Variants in NEGR1 observed in about 807,000 individuals in gnomAD.
NEGR1 encodes the protein neuronal growth regulator 1.
In NEGR1, 10 loss-of-function variants were observed where a neutral mutation model predicts 40.9. The ratio of observed to expected loss-of-function variants is 0.24; its 90% CI spans 0.15 to 0.42. The LOEUF is 0.42. NEGR1 is among the 10% of genes least tolerant of loss of function. The pLI, the probability that NEGR1 is intolerant of heterozygous loss-of-function variation, is 1.00. For synonymous variants in NEGR1, 185 were observed against 166.8 expected (o/e 1.11, Z -0.84); for missense variants, 352 against 438.9 (o/e 0.80, Z 1.77).
chr1:71,752,479 A>G (rs1655602732), intron 3 of NEGR1, among the ~76,000 whole-genome samples: 1 of 152,204 alleles, frequency 6.6e-6, no homozygotes. Flanking sequence ...ACAAACAGAT[A>G]AAGATTAATA....
intron 1 of NEGR1, among the ~76,000 whole-genome samples, chr1:72,191,087 G>T (rs1161053562): frequency 1.3e-5 from 2 of 151,346 alleles, no homozygotes; most frequent in African/African-American, 4.8e-5. Context: ...ATTCAGTATT[G>T]ATTAATCCCT....
chr1:72,119,001 C>T (rs1649688899), intron 1 of NEGR1, among the ~76,000 whole-genome samples: 1 of 151,430 alleles, frequency 6.6e-6, no homozygotes, highest in Admixed American at 6.6e-5. Context: ...ATATTATATA[C>T]CAGATAGAAT....
chr1:71,732,835 C>T (rs1183845187), intron 3 of NEGR1, among the ~76,000 whole-genome samples: 2 of 152,066 alleles, frequency 1.3e-5, no homozygotes, highest in African/African-American at 2.4e-5. Context: ...AAGGATACTA[C>T]AAAATATCTA....
intron 2 of NEGR1, among the ~76,000 whole-genome samples, chr1:71,886,078 A>G (rs1374075467): frequency 6.6e-6 from 1 of 152,222 alleles, no homozygotes; most frequent in Non-Finnish European, 1.5e-5. Flanking sequence ...AACCATTAAT[A>G]GTCCTTATGA....
At chr1:72,135,415 ACAAAACC>A (rs1650423706) in intron 1 of NEGR1, among the ~76,000 whole-genome samples, 1 of 103,428 alleles carries the variant, frequency 9.7e-6, no homozygotes, top group Non-Finnish European at 1.9e-5. Flanking sequence ...AAAAAAAAAA[ACAAAACC>A]AAAAAAAAAA....
intron 1 of NEGR1, among the ~76,000 whole-genome samples, chr1:71,988,545 C>CAAAAAAAAAAA (rs1197884975): frequency 2.5e-5 from 1 of 39,744 alleles, no homozygotes; most frequent in African/African-American, 8.8e-5. Context: ...GACTCCGTCT[C>CAAAAAAAAAAA]AAAAAAAAAA....
At chr1:71,966,534 G>C (rs932022176) in intron 1 of NEGR1, among the ~76,000 whole-genome samples, 6 of 152,032 alleles carry the variant, frequency 3.9e-5, no homozygotes, top group African/African-American at 1.4e-4. Flanking sequence ...CTCCTCAAAA[G>C]CAGGTTTCAA....
chr1:71,801,400 T>G (rs1657551115), intron 2 of NEGR1, among the ~76,000 whole-genome samples: 1 of 152,194 alleles, frequency 6.6e-6, no homozygotes, highest in Admixed American at 6.5e-5. Flanking sequence ...TCTCCCTCAT[T>G]TCTTTCCCTT....
chr1:71,780,095 A>AAATAAT, intron 2 of NEGR1, among the ~76,000 whole-genome samples: 1 of 151,444 alleles, frequency 6.6e-6, no homozygotes, highest in East Asian at 1.9e-4. Flanking sequence ...GGAGAGTTAA[A>AAATAAT]AATAATGTAC....
intron 1 of NEGR1, among the ~76,000 whole-genome samples, chr1:72,038,161 T>G (rs1646921356): frequency 6.6e-6 from 1 of 152,100 alleles, no homozygotes; most frequent in Non-Finnish European, 1.5e-5. Flanking sequence ...GGCTTCCTCC[T>G]TAGAAAAATC....
At chr1:71,657,882 TAGCAGCACAGCAGCAAAACTGTATA>T (rs1476441199) in intron 4 of NEGR1, among the ~76,000 whole-genome samples, 1 of 152,222 alleles carries the variant, frequency 6.6e-6, no homozygotes, top group African/African-American at 2.4e-5. Flanking sequence ...TTAATAACTA[TAGCAGCACAGCAGCAAAACTGTATA>T]TTCTAGTACT....
chr1:71,831,840 T>C (rs1658852488), intron 2 of NEGR1, among the ~76,000 whole-genome samples: 1 of 151,658 alleles, frequency 6.6e-6, no homozygotes, highest in Non-Finnish European at 1.5e-5. Flanking sequence ...AGAATGAGCA[T>C]ACTGCTTTTA....
At chr1:71,721,809 T>C (rs1248724060) in intron 3 of NEGR1, among the ~76,000 whole-genome samples, 1 of 152,114 alleles carries the variant, frequency 6.6e-6, no homozygotes, top group Non-Finnish European at 1.5e-5. Context: ...TGAATGCAAT[T>C]TGATGGTCAC....
intron 1 of NEGR1, among the ~76,000 whole-genome samples, chr1:72,074,821 T>A (rs2100516477): frequency 6.6e-6 from 1 of 152,290 alleles, no homozygotes; most frequent in Non-Finnish European, 1.5e-5. Context: ...AAGAAAATGA[T>A]GATTTCTCCA....
At chr1:72,048,750 A>C (rs901002565) in intron 1 of NEGR1, among the ~76,000 whole-genome samples, 1 of 151,666 alleles carries the variant, frequency 6.6e-6, no homozygotes, top group Non-Finnish European at 1.5e-5. Context: ...AGAAACACAC[A>C]TTAAGGATCT....
In NEGR1 at chr1:72,277,046, T is replaced by G. The variant is rs569737130; in HGVS notation, c.176+5273A>C. ...GAACAAAAAAGGTTCCAGTGGGAGA[T>G]GAATACAGTGATATACACTGCCCAA... On this transcript the variant is annotated intron_variant, in intron 1 of 6. Coordinates refer to ENST00000357731, the MANE Select transcript of NEGR1 (RefSeq NM_173808.3). 5.3e-5 allele frequency among the ~76,000 whole-genome samples: 8 copies of G among 152,170 alleles called. No individual in the cohort carries two copies. The South Asian group carries it at 1.2e-3, about 24-fold the overall frequency.
chr1:71,403,918 C>G lies in NEGR1; in HGVS notation c.*3528G>C, dbSNP rs1194585537. On this transcript the variant is annotated 3_prime_UTR_variant, in exon 7 of 7. Coordinates refer to ENST00000357731, the MANE Select transcript of NEGR1 (RefSeq NM_173808.3). Reference sequence around the variant, plus strand: ...ATTCATATTCATATCTATTGAAATACTGTACATCCACATACTTCAATAAAT... The same window carrying G: ...ATTCATATTCATATCTATTGAAATAGTGTACATCCACATACTTCAATAAAT... 2 of 378,514 alleles carry G rather than the reference C, an allele frequency of 5.3e-6. No homozygotes were observed. The highest frequency in any genetic ancestry group is 4.2e-5 in the African/African-American group (2 of 48,150). 23.4% of individuals were successfully genotyped at this position (378,514 alleles called of 1,614,324 possible).
intron 6 of NEGR1, among the ~76,000 whole-genome samples, chr1:71,491,324 T>C (rs1646926293): frequency 6.6e-6 from 1 of 152,058 alleles, no homozygotes; most frequent in African/African-American, 2.4e-5. Flanking sequence ...TGGGTTTTGA[T>C]ATCCAAGGGA....
intron 4 of NEGR1, among the ~76,000 whole-genome samples, chr1:71,658,453 T>C (rs1026542865): frequency 6.6e-6 from 1 of 152,202 alleles, no homozygotes; most frequent in Admixed American, 6.5e-5. Context: ...CATTTTCAAG[T>C]CTGTGCCAGA....
Sources: gnomAD v4.1 joint callset for allele counts (sites outside exome capture counted in the v4.1 genomes callset) on GRCh38, gnomAD v4.1.1 for gene constraint, MANE v1.5 for transcripts, NCBI Gene and HGNC (gene_info 2026-07-23, HGNC 2026-07-21) for gene names.